Variants in TBXAS1 observed in about 807,000 individuals in gnomAD.
TBXAS1 encodes the protein thromboxane A synthase 1, also known as thromboxane-A synthase.
TBXAS1 carries 48 observed loss-of-function variants against 60.7 expected under a neutral mutation model. That is an observed-to-expected ratio of 0.79 (90% CI 0.63 to 1.01). TBXAS1 has a LOEUF of 1.01. Among genes scored for constraint, TBXAS1 ranks in the 50% least tolerant of loss-of-function variants. The probability of loss-of-function intolerance (pLI) is 0.00; values close to 1 mark genes in which losing one functional copy is unlikely to be tolerated. For synonymous variants in TBXAS1, 287 were observed against 269.7 expected (o/e 1.06, Z -0.63); for missense variants, 685 against 686.3 (o/e 1.00, Z 0.02).
chr7:139,847,451 G>T (rs534740467), intron 1 of TBXAS1, among the ~76,000 whole-genome samples: 95 of 152,120 alleles, frequency 6.2e-4, no homozygotes, highest in African/African-American at 2.2e-3. Context: ...TTCAATGATG[G>T]TGTCACTGCA....
At chr7:139,968,278 TTTTG>T (rs1810938459) in intron 9 of TBXAS1, among the ~76,000 whole-genome samples, 1 of 152,146 alleles carries the variant, frequency 6.6e-6, no homozygotes, top group Admixed American at 6.6e-5. Flanking sequence ...CAATCCACTT[TTTTG>T]TTTGTTTTTG....
At chr7:139,897,251 G>A (rs534372913) in intron 3 of TBXAS1, among the ~76,000 whole-genome samples, 1 of 152,026 alleles carries the variant, frequency 6.6e-6, no homozygotes, top group Admixed American at 6.6e-5. Context: ...GGCAAGGCAG[G>A]GGGAACAGCA....
At chr7:139,904,996 T>G (rs575463261) in intron 3 of TBXAS1, among the ~76,000 whole-genome samples, 1,080 of 96,568 alleles carry the variant, frequency 0.011, 23 homozygotes, top group African/African-American at 0.048. Context: ...TCTCTCTTTC[T>G]CTCTTTCTCT....
At chr7:139,798,254 A>G (rs1722445390) in intron 4 of TBXAS1, among the ~76,000 whole-genome samples, 1 of 152,154 alleles carries the variant, frequency 6.6e-6, no homozygotes, top group African/African-American at 2.4e-5. Flanking sequence ...GTGAAGCAGG[A>G]AGAGAAGAAA....
intron 9 of TBXAS1, among the ~76,000 whole-genome samples, chr7:139,979,189 C>T (rs1033796767): frequency 6.6e-5 from 10 of 152,144 alleles, no homozygotes; most frequent in Non-Finnish European, 1.2e-4. Flanking sequence ...TTACCACCAC[C>T]GGAGCCAGGT....
At chr7:139,881,460 C>T (rs911543717) in intron 3 of TBXAS1, among the ~76,000 whole-genome samples, 3 of 152,164 alleles carry the variant, frequency 2.0e-5, no homozygotes, top group Admixed American at 6.5e-5. Flanking sequence ...CTTTTTCCCC[C>T]CCTCCAGGAG....
Position 139,999,159 on chromosome 7 carries a change from CAG to C in TBXAS1, c.1135-7929_1135-7928del, listed in dbSNP as rs1813496799. Among the ~76,000 whole-genome samples, 1 of 152,234 alleles carries C rather than the reference CAG, an allele frequency of 6.6e-6. No homozygotes were observed. Among genetic ancestry groups the C allele is most frequent in the African/African-American group, 2.4e-5 (1 of 41,470 alleles). Reference sequence around the variant, plus strand: ...CTGCTCACTGGACCCACTCAGACAACAGAGCTATGGGATCTAGAAGGTGAAAT... The same window carrying C: ...CTGCTCACTGGACCCACTCAGACAACAGCTATGGGATCTAGAAGGTGAAAT... On this transcript the variant is annotated intron_variant, in intron 9 of 12. Transcript: ENST00000448866. This position sits in a 1 kb window ranked among gnomAD's most constrained non-coding sequence, Gnocchi z 4.3.
intron 3 of TBXAS1, among the ~76,000 whole-genome samples, chr7:139,887,375 T>A (rs1803193597): frequency 6.6e-6 from 1 of 152,178 alleles, no homozygotes; most frequent in Non-Finnish European, 1.5e-5. Context: ...ACATCCAGAA[T>A]TTTTTTCATC....
chr7:140,020,165 T>C lies in TBXAS1; in HGVS notation c.*66T>C, dbSNP rs763950341. ...CAAAGAAAACCCTAAGTGTGGATGT[T>C]CAGAATTTTGGAAAAATGTCACTGA... On this transcript the variant is annotated 3_prime_UTR_variant, in exon 13 of 13. Coordinates refer to ENST00000448866, the MANE Select transcript of TBXAS1 (RefSeq NM_001061.7). The C allele has an allele frequency of 6.4e-7, 1 of 1,551,132 alleles. No individual in the cohort carries two copies. The highest frequency in any genetic ancestry group is 8.9e-7 in the Non-Finnish European group (1 of 1,124,006).
chr7:139,963,790 A>C (rs906272631), intron 9 of TBXAS1, among the ~76,000 whole-genome samples: 2 of 152,236 alleles, frequency 1.3e-5, no homozygotes, highest in African/African-American at 4.8e-5. Context: ...TGTATTTCTG[A>C]GTACATTTAA....
chr7:139,919,749 C>A (rs1359786649), intron 4 of TBXAS1, among the ~76,000 whole-genome samples: 3 of 152,208 alleles, frequency 2.0e-5, no homozygotes, highest in Admixed American at 6.5e-5. Context: ...TAAGTGGCTG[C>A]TGTCTTCATG....
At chr7:139,853,059 C>A (rs765644407) in intron 1 of TBXAS1, among the ~76,000 whole-genome samples, 1 of 152,126 alleles carries the variant, frequency 6.6e-6, no homozygotes. Context: ...CCCCAGCTGA[C>A]CCCTCTGGGC....
At chr7:139,840,954 C>T (rs1363505704) in intron 1 of TBXAS1, among the ~76,000 whole-genome samples, 3 of 152,166 alleles carry the variant, frequency 2.0e-5, no homozygotes, top group Non-Finnish European at 4.4e-5. Context: ...ATCTGGACTC[C>T]GTGACTTCTA....
chr7:139,963,698 T>C (rs1014449976), intron 9 of TBXAS1, among the ~76,000 whole-genome samples: 1 of 152,172 alleles, frequency 6.6e-6, no homozygotes, highest in South Asian at 2.1e-4. Context: ...ATACATTTAG[T>C]TGCAGATAAC....
At chr7:139,797,956 T>C (rs1797615316) in intron 4 of TBXAS1, among the ~76,000 whole-genome samples, 1 of 152,232 alleles carries the variant, frequency 6.6e-6, no homozygotes, top group Non-Finnish European at 1.5e-5. Flanking sequence ...TTCTTCTCCT[T>C]GGAACACTCA....
chr7:139,829,306 C>A lies in TBXAS1; in HGVS notation c.-85C>A. ...CTTGGTTGCCTGTTCCCTTTTCTAC[C>A]TGCAGAGCACGGTTCCCATAAGGGC... On this transcript the variant is annotated 5_prime_UTR_variant, in exon 1 of 13. It adds an upstream start codon to the 5' untranslated region. Transcript: ENST00000448866. 1 of 1,303,942 alleles carries A rather than the reference C, an allele frequency of 7.7e-7. No homozygotes were observed. Among genetic ancestry groups the A allele is most frequent in the South Asian group, 1.3e-5 (1 of 79,964 alleles). The allele number at this position is 1,303,942 out of a possible 1,614,324, so 80.8% of individuals were successfully genotyped here. A position where few individuals can be genotyped will look rare whatever the true frequency, so the allele number is the denominator to read the frequency against.
chr7:139,832,736 A>T (rs558155440), intron 1 of TBXAS1, among the ~76,000 whole-genome samples: 67 of 152,364 alleles, frequency 4.4e-4, no homozygotes, highest in African/African-American at 1.6e-3. Context: ...TATAAAGGAA[A>T]ACCTATCAGA....
At chr7:139,854,716 T>C (rs966998323) in intron 1 of TBXAS1, among the ~76,000 whole-genome samples, 1 of 152,188 alleles carries the variant, frequency 6.6e-6, no homozygotes, top group African/African-American at 2.4e-5. Context: ...GACCCAAAGA[T>C]AGCATGAAGT....
chr7:139,919,272 A>G (rs1303102509), intron 4 of TBXAS1, among the ~76,000 whole-genome samples: 1 of 152,208 alleles, frequency 6.6e-6, no homozygotes. Context: ...AGAATTAGAA[A>G]CAACGTTTGT....
Sources: gnomAD v4.1 joint callset for allele counts (sites outside exome capture counted in the v4.1 genomes callset) on GRCh38, gnomAD v4.1.1 for gene constraint, Gnocchi (gnomAD v3.1) non-coding constraint, MANE v1.5 for transcripts, NCBI Gene and HGNC (gene_info 2026-07-23, HGNC 2026-07-21) for gene names.